MAD1L1: variants seen among roughly 807,000 people sequenced by gnomAD.
MAD1L1 encodes the protein mitotic spindle assembly checkpoint protein MAD1.
In MAD1L1, 95 loss-of-function variants were observed where a neutral mutation model predicts 96.9. The observed-to-expected ratio is 0.98, with a 90% CI of 0.83 to 1.16. The LOEUF (loss-of-function observed/expected upper bound fraction) is 1.16, where lower values mean the gene tolerates loss of function less well. Ranked by LOEUF, MAD1L1 falls within the 50% of genes most tolerant of loss-of-function variation. MAD1L1 has a pLI of 0.00. For missense variants in MAD1L1, 1,007 were observed against 954.4 expected (o/e 1.06, Z -0.73); for synonymous variants, 473 against 396.6 (o/e 1.19, Z -2.29).
rs59974287 is a variant in MAD1L1, at chr7:1,841,785, C to G, written c.1999-25557G>C. Among the ~76,000 whole-genome samples the G allele has an allele frequency of 9.6e-3, 1,455 of 152,354 alleles. 30 individuals carry two copies. Among genetic ancestry groups the G allele is most frequent in the African/African-American group, 0.033 (1,368 of 41,572 alleles). ...GGCTGTGAGCTCAGCCTCAGTGTCC[C>G]CACCTGTGAAATGGGGAGACCCCCA... On this transcript the variant is annotated intron_variant, in intron 18 of 18. Transcript: ENST00000265854.
chr7:2,060,493 T>G (rs1784610450), intron 12 of MAD1L1, among the ~76,000 whole-genome samples: 2 of 148,660 alleles, frequency 1.3e-5, no homozygotes, highest in Admixed American at 1.3e-4. Context: ...ATCGAGATAA[T>G]GCCGAGACCG....
intron 16 of MAD1L1, among the ~76,000 whole-genome samples, chr7:1,941,294 C>G (rs1309304083): frequency 6.6e-6 from 1 of 152,228 alleles, no homozygotes; most frequent in Non-Finnish European, 1.5e-5. Context: ...CCCCAGCCCC[C>G]AGCCCCCAGC....
At chr7:2,198,634 C>A (rs960699371) in intron 10 of MAD1L1, among the ~76,000 whole-genome samples, 1 of 152,250 alleles carries the variant, frequency 6.6e-6, no homozygotes, top group Non-Finnish European at 1.5e-5. Flanking sequence ...TTCAGGCCCC[C>A]TCTCCAGGCT....
chr7:2,092,311 T>G (rs1244392022), intron 11 of MAD1L1, among the ~76,000 whole-genome samples: 2 of 152,124 alleles, frequency 1.3e-5, no homozygotes, highest in Non-Finnish European at 2.9e-5. Flanking sequence ...CAGGCTGGAG[T>G]GCAGTGGTGT....
intron 12 of MAD1L1, among the ~76,000 whole-genome samples, chr7:2,020,598 GCCCTGGTA>G (rs1018816798): frequency 6.6e-6 from 1 of 152,208 alleles, no homozygotes; most frequent in African/African-American, 2.4e-5. Context: ...TGCCCGGGCT[GCCCTGGTA>G]CCCGGAGTCT....
At chr7:2,002,162 C>G in intron 13 of MAD1L1, 41 bp from the exon 14 acceptor site, 1 of 1,593,622 alleles carries the variant, frequency 6.3e-7, no homozygotes. Context: ...CTGTGGTGGG[C>G]CAGGCCCCAT....
intron 13 of MAD1L1, among the ~76,000 whole-genome samples, chr7:2,009,223 G>C (rs1260372201): frequency 1.3e-5 from 2 of 152,186 alleles, no homozygotes; most frequent in African/African-American, 4.8e-5. Context: ...TTTTTATCCT[G>C]AGGTGAGAAG....
chr7:2,052,454 G>A (rs1349927278), intron 12 of MAD1L1, among the ~76,000 whole-genome samples: 2 of 151,970 alleles, frequency 1.3e-5, no homozygotes, highest in Admixed American at 6.6e-5. Context: ...CAGGGAGGGC[G>A]CCGGACAGCT....
chr7:2,210,852 G>A (rs917261242), intron 10 of MAD1L1, among the ~76,000 whole-genome samples: 31 of 151,798 alleles, frequency 2.0e-4, no homozygotes, highest in Middle Eastern at 6.8e-3. Context: ...ATCAGCCTCC[G>A]GCTGCTCAGA....
chr7:2,006,536 C>T (rs928192053), intron 13 of MAD1L1, among the ~76,000 whole-genome samples: 5 of 152,026 alleles, frequency 3.3e-5, no homozygotes, highest in Non-Finnish European at 7.4e-5. Flanking sequence ...CACCGAAACC[C>T]GCACGGCCCA....
intron 11 of MAD1L1, among the ~76,000 whole-genome samples, chr7:2,145,247 C>T (rs1328832832): frequency 6.6e-6 from 1 of 152,122 alleles, no homozygotes; most frequent in African/African-American, 2.4e-5. Flanking sequence ...GACACTCTCT[C>T]TGCTGTAAGA....
Position 2,119,963 on chromosome 7 carries a change from C to T in MAD1L1, c.1073+29189G>A, listed in dbSNP as rs892824161. On this transcript the variant is annotated intron_variant, in intron 11 of 18. Coordinates refer to ENST00000265854, the MANE Select transcript of MAD1L1 (RefSeq NM_001013836.2). This position sits in a 1 kb window ranked among gnomAD's most constrained non-coding sequence, Gnocchi z 4.6. ...CCTCACTCCACCTCCTCCCAGCATGCGCCCAAGGCATCCCTAGCAATGCCC... is the reference window on the plus strand; with the variant it reads ...CCTCACTCCACCTCCTCCCAGCATGTGCCCAAGGCATCCCTAGCAATGCCC... 6.6e-6 allele frequency among the ~76,000 whole-genome samples: 1 copy of T among 152,162 alleles called. No homozygotes were observed. Among genetic ancestry groups the T allele is most frequent in the Non-Finnish European group, 1.5e-5 (1 of 68,004 alleles).
chr7:2,189,317 G>C (rs1791607363), intron 10 of MAD1L1, among the ~76,000 whole-genome samples: 1 of 152,184 alleles, frequency 6.6e-6, no homozygotes, highest in South Asian at 2.1e-4. Context: ...TTGAAAGCAG[G>C]GGCTCTAAGA....
chr7:2,010,510 C>T (rs571773195), intron 13 of MAD1L1, among the ~76,000 whole-genome samples: 2 of 152,280 alleles, frequency 1.3e-5, no homozygotes, highest in East Asian at 3.9e-4. Context: ...TAGCTCTATC[C>T]ACAGAGGACT....
Position 2,158,517 on chromosome 7 carries a change from C to T in MAD1L1, c.987-9279G>A, listed in dbSNP as rs114782206. On this transcript the variant is annotated intron_variant, in intron 10 of 18. Coordinates refer to ENST00000265854, the MANE Select transcript of MAD1L1 (RefSeq NM_001013836.2). ...CCAGAGCCCTGCGGAAGGCAGGGAA[C>T]ACAACCCAAGCGACACAGGCTGTCT... Among the ~76,000 whole-genome samples the T allele has an allele frequency of 9.0e-3, 1,374 of 152,342 alleles. 21 individuals carry two copies. The highest frequency in any genetic ancestry group is 0.031 in the African/African-American group (1,287 of 41,584).
intron 16 of MAD1L1, among the ~76,000 whole-genome samples, chr7:1,940,988 T>TCCCAGGCCTCACCCTCCTCTTCCTCC (rs1562545500): frequency 8.0e-6 from 1 of 124,436 alleles, no homozygotes; most frequent in Non-Finnish European, 1.7e-5. Flanking sequence ...CCTCTTCCTC[T>TCCCAGGCCTCACCCTCCTCTTCCTCC]CCCAGGCCTC....
At chr7:2,133,694 A>G (rs1464919426) in intron 11 of MAD1L1, among the ~76,000 whole-genome samples, 2 of 152,202 alleles carry the variant, frequency 1.3e-5, no homozygotes, top group East Asian at 1.9e-4. Context: ...ACACTCAGGT[A>G]TGTGATCCAC....
chr7:1,969,150 G>A (rs1028164849), intron 15 of MAD1L1, among the ~76,000 whole-genome samples: 4 of 152,176 alleles, frequency 2.6e-5, no homozygotes, highest in South Asian at 2.1e-4. Context: ...TTGGGAGGCC[G>A]AGGTGAGTGG....
intron 10 of MAD1L1, among the ~76,000 whole-genome samples, chr7:2,208,092 T>A (rs1792695976): frequency 6.6e-6 from 1 of 152,200 alleles, no homozygotes; most frequent in Non-Finnish European, 1.5e-5. Context: ...CATCAGGTGA[T>A]CTTTAATGTC....
Sources: gnomAD v4.1 joint callset for allele counts (sites outside exome capture counted in the v4.1 genomes callset) on GRCh38, gnomAD v4.1.1 for gene constraint, Gnocchi (gnomAD v3.1) non-coding constraint, MANE v1.5 for transcripts, NCBI Gene and HGNC (gene_info 2026-07-23, HGNC 2026-07-21) for gene names.